Variants in NFATC1 observed in about 807,000 individuals in gnomAD.
NFATC1 encodes nuclear factor of activated T cells 1, also known as nuclear factor of activated T-cells, cytoplasmic 1.
Under a neutral mutation model 76.0 loss-of-function variants are expected in NFATC1, and 22 were observed. The observed-to-expected ratio is 0.29, with a 90% CI of 0.21 to 0.41. The LOEUF (loss-of-function observed/expected upper bound fraction) is 0.41. NFATC1 is among the 10% of genes least tolerant of loss of function. NFATC1 has a pLI of 1.00. For synonymous variants in NFATC1, 704 were observed against 613.1 expected (o/e 1.15, Z -2.19); for missense variants, 1,357 against 1,337.7 (o/e 1.01, Z -0.23).
chr18:79,467,926 T>C, intron 8 of NFATC1: 1 of 1,091,578 alleles, frequency 9.2e-7, no homozygotes, highest in Non-Finnish European at 1.1e-6. Context: ...ACCCTAAAGC[T>C]GCTTACGGTG....
rs62096875 is a variant in NFATC1 at position 79,410,903 on chromosome 18, G to A, written c.628G>A (p.Val210Met). 9.4e-4 allele frequency: 1,509 copies of A among 1,608,338 alleles called. 2 individuals are homozygous for A. Among genetic ancestry groups the A allele is most frequent in the Non-Finnish European group, 1.1e-3 (1,334 of 1,178,758 alleles). ...GACGTCGCCATGGCAGTCTCCCTGC[G>A]TGTCTCCCAAGACCACGGACCCCGA... ...PQTSPWQSPC[V>M]SPKTTDPEEG... Residue 210 changes from valine (V) to methionine (M), a missense_variant, in exon 2 of 10, where the codon GTG (valine) becomes ATG (methionine). Around this residue, in one of 3 missense-constraint regions of NFATC1, gnomAD observed 691 missense variants for 613.1 expected, o/e 1.13. Coordinates refer to ENST00000427363, the MANE Select transcript of NFATC1 (RefSeq NM_001278669.2). This position sits in a 1 kb window ranked among gnomAD's most constrained non-coding sequence, Gnocchi z 6.7.
chr18:79,509,857 C>T (rs192058774), intron 9 of NFATC1, among the ~76,000 whole-genome samples: 2 of 152,312 alleles, frequency 1.3e-5, no homozygotes, highest in Admixed American at 6.5e-5. Context: ...GACCTCACCT[C>T]GGTGTTTGGA....
chr18:79,445,914 T>A (rs1195241132), intron 3 of NFATC1, among the ~76,000 whole-genome samples: 1 of 152,178 alleles, frequency 6.6e-6, no homozygotes, highest in East Asian at 1.9e-4. Context: ...AATCATCCAC[T>A]ACCCACCATG....
In NFATC1 at chr18:79,499,480, T is replaced by C. The variant is rs111996931; in HGVS notation, c.2782+12543T>C. On this transcript the variant is annotated intron_variant, in intron 9 of 9. Transcript: ENST00000427363. ...ACAACAGCAAAAGTTACACAAGACA[T>C]GTAGAGAACAAATAGCAAAATGGAA... is the stretch of plus-strand genomic sequence containing the variant. Among the ~76,000 whole-genome samples, 655 of 152,244 alleles carry C rather than the reference T, an allele frequency of 4.3e-3. 8 individuals are homozygous for C. The highest frequency in any genetic ancestry group is 0.015 in the African/African-American group (630 of 41,544).
intron 3 of NFATC1, among the ~76,000 whole-genome samples, chr18:79,438,592 G>A (rs756049684): frequency 6.6e-5 from 10 of 152,230 alleles, no homozygotes; most frequent in Non-Finnish European, 1.0e-4. Flanking sequence ...GAGAAGCCTC[G>A]GCCCGTTCTG....
At chr18:79,521,485 G>A (rs1379137543) in intron 9 of NFATC1, among the ~76,000 whole-genome samples, 1 of 41,268 alleles carries the variant, frequency 2.4e-5, no homozygotes, top group Middle Eastern at 0.017. Context: ...GTGTGTGGGG[G>A]GCATCCACTG....
At position 79,433,122 on chromosome 18, in the gene NFATC1, C is replaced by G. The variant is rs916268845; in HGVS notation, c.1227-457C>G. On this transcript the variant is annotated intron_variant, in intron 2 of 9. Transcript: ENST00000427363. ...TGGAATTTGGGGGCTGGCGGCGCTG[C>G]GCACATCACAACTTCCAAACCCACT... Among the ~76,000 whole-genome samples, 7 of 152,300 alleles carry G rather than the reference C, an allele frequency of 4.6e-5. No homozygotes were observed. The South Asian group carries it at 1.0e-3, about 23-fold the overall frequency.
chr18:79,479,655 CCAGGA>C (rs1242680096), intron 8 of NFATC1, among the ~76,000 whole-genome samples: 2 of 152,238 alleles, frequency 1.3e-5, no homozygotes, highest in Non-Finnish European at 2.9e-5. Context: ...CTGCAGCTCT[CCAGGA>C]CATGACTTAG....
chr18:79,507,223 T>C (rs568610909), intron 9 of NFATC1, among the ~76,000 whole-genome samples: 8 of 152,180 alleles, frequency 5.3e-5, no homozygotes, highest in Non-Finnish European at 1.2e-4. Context: ...ATTTTAGATA[T>C]GGCAGGAAGT....
At chr18:79,424,697 CTG>C (rs201049557) in intron 2 of NFATC1, among the ~76,000 whole-genome samples, 14 of 151,566 alleles carry the variant, frequency 9.2e-5, no homozygotes, top group Non-Finnish European at 1.5e-4. Context: ...CTCTGTCTCT[CTG>C]TGTTTCTCTG....
At chr18:79,484,745 G>C (rs1019209551) in intron 8 of NFATC1, among the ~76,000 whole-genome samples, 1 of 152,238 alleles carries the variant, frequency 6.6e-6, no homozygotes, top group Non-Finnish European at 1.5e-5. Context: ...AGCTGGGAAC[G>C]GCCCATATGG....
At chr18:79,512,876 T>C (rs1207527115) in intron 9 of NFATC1, among the ~76,000 whole-genome samples, 1 of 152,136 alleles carries the variant, frequency 6.6e-6, no homozygotes. Flanking sequence ...CTGGAAGAAA[T>C]AGCCTTCCCG....
At chr18:79,398,108 C>T (rs994006455) in intron 1 of NFATC1, among the ~76,000 whole-genome samples, 3 of 152,148 alleles carry the variant, frequency 2.0e-5, no homozygotes, top group Admixed American at 1.3e-4. Context: ...ACCTGGGCGC[C>T]TCCCCTGCGT....
intron 9 of NFATC1, chr18:79,496,339 A>G (rs2089886199): frequency 6.6e-6 from 1 of 152,396 alleles, no homozygotes; most frequent in South Asian, 2.1e-4. Context: ...CCGGAGCGTG[A>G]AGCCATGAGC....
intron 3 of NFATC1, among the ~76,000 whole-genome samples, chr18:79,439,523 C>T (rs1460985685): frequency 6.6e-6 from 1 of 152,232 alleles, no homozygotes; most frequent in African/African-American, 2.4e-5. Context: ...GACAACAGCC[C>T]TCTCCTCTTT....
At chr18:79,515,728 GAAGCGGGACCTACCGAGACCC>G (rs936280772) in intron 9 of NFATC1, 1 of 152,098 alleles carries the variant, frequency 6.6e-6, no homozygotes, top group African/African-American at 2.4e-5. Flanking sequence ...GGGACAGGAG[GAAGCGGGACCTACCGAGACCC>G]AACCCGGTCA....
chr18:79,400,083 G>C (rs2093785578), intron 1 of NFATC1, among the ~76,000 whole-genome samples: 1 of 146,594 alleles, frequency 6.8e-6, no homozygotes, highest in Non-Finnish European at 1.5e-5. Flanking sequence ...CCTGCGCCGG[G>C]CCGGGACCCC....
intron 3 of NFATC1, among the ~76,000 whole-genome samples, chr18:79,438,963 C>T (rs966884586): frequency 6.6e-6 from 1 of 152,230 alleles, no homozygotes; most frequent in Non-Finnish European, 1.5e-5. Flanking sequence ...GTGGAGCCTC[C>T]CGTGAGGCAG....
intron 2 of NFATC1, among the ~76,000 whole-genome samples, chr18:79,418,613 C>T (rs2085959577): frequency 1.3e-5 from 2 of 152,272 alleles, no homozygotes; most frequent in African/African-American, 4.8e-5. Context: ...GGAGAAGGCA[C>T]TGCGTCTGCC....
Sources: gnomAD v4.1 joint callset for allele counts (sites outside exome capture counted in the v4.1 genomes callset) on GRCh38, gnomAD v4.1.1 for gene constraint, gnomAD v4.1.1 regional missense constraint, Gnocchi (gnomAD v3.1) non-coding constraint, MANE v1.5 for transcripts, NCBI Gene and HGNC (gene_info 2026-07-23, HGNC 2026-07-21) for gene names.